Variants in ZNF232 observed in about 807,000 individuals in gnomAD.
The protein encoded by ZNF232 is zinc finger and SCAN domain-containing protein 11.
Under a neutral mutation model 25.2 loss-of-function variants are expected in ZNF232, and 25 were observed. That is an observed-to-expected ratio of 0.99 (90% CI 0.72 to 1.39). The LOEUF (loss-of-function observed/expected upper bound fraction) is 1.39. ZNF232 is among the 40% of genes most tolerant of loss of function. The pLI, the probability that ZNF232 is intolerant of heterozygous loss-of-function variation, is 0.00. For missense variants in ZNF232, 519 were observed against 520.9 expected (o/e 1.00, Z 0.04); for synonymous variants, 193 against 182.9 (o/e 1.06, Z -0.45).
intron 1 of ZNF232, chr17:5,118,066 C>T (rs896407067): frequency 1.0e-4 from 14 of 139,968 alleles, no homozygotes; most frequent in African/African-American, 3.2e-4. Flanking sequence ...GGGACTCCGT[C>T]TCAAAAAAAA....
At chr17:5,111,841 C>T in exon 1 of ZNF232, 2 of 1,613,762 alleles carry the variant, frequency 1.2e-6, no homozygotes, top group Non-Finnish European at 1.7e-6. Context: ...TGCCGCGAAT[C>T]GCGCCACTTA....
At chr17:5,111,872 G>C (rs776036141), upstream of ZNF232, 1 of 1,610,908 alleles carries the variant, frequency 6.2e-7, no homozygotes, top group African/African-American at 1.3e-5. Flanking sequence ...CCCAGGGGCA[G>C]GTTTGCGCCT....
intron 2 of ZNF232, 61 bp downstream of exon 2, chr17:5,109,333 C>T: frequency 1.2e-6 from 2 of 1,601,496 alleles, no homozygotes; most frequent in Non-Finnish European, 1.7e-6. Flanking sequence ...ACAGCTGCCC[C>T]TCGGTCCAGC....
At chr17:5,111,717 C>A in intron 1 of ZNF232, 83 bp downstream of exon 1, 1 of 1,607,398 alleles carries the variant, frequency 6.2e-7, no homozygotes, top group South Asian at 1.1e-5. Context: ...CAGGCCTGCT[C>A]ACTGCAGAGC....
Position 5,117,126 on chromosome 17 carries a change from A to G in ZNF232, c.-529-4775T>C, listed in dbSNP as rs548844668. Reference sequence around the variant, plus strand: ...TGGTTGCAACTTTATTAATGATTCTAATTAGTTTCTCTTCTACAATTATAA... The same window carrying G: ...TGGTTGCAACTTTATTAATGATTCTGATTAGTTTCTCTTCTACAATTATAA... On this transcript the variant is annotated intron_variant, in intron 1 of 4. Transcript: ENST00000250076. Among the ~76,000 whole-genome samples the G allele has an allele frequency of 3.9e-5, 6 of 152,288 alleles. No homozygotes were observed. In the South Asian group the frequency reaches 1.2e-3, roughly 32 times the overall value.
chr17:5,109,853 A>G, exon 2 of ZNF232: 1 of 1,607,364 alleles, frequency 6.2e-7, no homozygotes. Flanking sequence ...ACCAGCTGGA[A>G]TCTTGCAAGG....
upstream of ZNF232, chr17:5,116,732 T>C (rs1302707285): frequency 1.3e-5 from 2 of 152,274 alleles, no homozygotes; most frequent in Non-Finnish European, 1.5e-5. Context: ...GTTTCTTCAC[T>C]TACTAGTTGT....
In ZNF232 at chr17:5,110,006, C is replaced by T. The variant is rs1055781072; in HGVS notation, c.24-138G>A. Reference sequence around the variant, plus strand: ...CGGGGTTCTAGCGATTCTCCTACCTCAGCCTCCCAAGTAGCTGGGATTACA... The same window carrying T: ...CGGGGTTCTAGCGATTCTCCTACCTTAGCCTCCCAAGTAGCTGGGATTACA... On this transcript the variant is annotated intron_variant, in intron 1 of 3. Transcript: ENST00000575898. 2.4e-5 allele frequency: 19 copies of T among 804,696 alleles called. No individual in the cohort carries two copies. The African/African-American group carries it at 3.0e-4, about 13-fold the overall frequency. 49.8% of individuals were successfully genotyped at this position (804,696 alleles called of 1,614,324 possible).
At chr17:5,111,342 A>G (rs748592101) in intron 1 of ZNF232, 1 of 184,114 alleles carries the variant, frequency 5.4e-6, no homozygotes. Context: ...CACACAGGGA[A>G]GGAGGTGGAA....
chr17:5,109,017 C>T (rs2072329484), exon 3 of ZNF232: 1 of 1,614,118 alleles, frequency 6.2e-7, no homozygotes, highest in South Asian at 1.1e-5. Context: ...TCTCCCATGG[C>T]TCTTCCTGTG....
intron 3 of ZNF232, among the ~76,000 whole-genome samples, chr17:5,107,266 T>C (rs1408193151): frequency 6.6e-6 from 1 of 151,142 alleles, no homozygotes; most frequent in East Asian, 2.0e-4. Context: ...CGGGCGCCTG[T>C]AGTCCCAGCT....
upstream of ZNF232, among the ~76,000 whole-genome samples, chr17:5,115,565 C>CACACACACACACACACACACAT (rs2072513975): frequency 6.7e-6 from 1 of 148,954 alleles, no homozygotes; most frequent in Non-Finnish European, 1.5e-5. Flanking sequence ...AACACACACA[C>CACACACACACACACACACACAT]ACACACACAC....
exon 4 of ZNF232, chr17:5,105,907 T>C (rs1489427578): frequency 1.1e-5 from 17 of 1,614,198 alleles, no homozygotes; most frequent in Non-Finnish European, 1.4e-5. Context: ...CCACATTCTT[T>C]ACATATAAAA....
chr17:5,119,841 C>T (rs192883887), intron 1 of ZNF232, among the ~76,000 whole-genome samples: 31 of 152,254 alleles, frequency 2.0e-4, no homozygotes, highest in Non-Finnish European at 4.4e-4. Flanking sequence ...CCTTTTGACC[C>T]GTGAAGAAAC....
chr17:5,113,006 A>C (rs916379048), upstream of ZNF232, among the ~76,000 whole-genome samples: 7 of 152,232 alleles, frequency 4.6e-5, no homozygotes, highest in African/African-American at 1.7e-4. Context: ...TCAATTTTGC[A>C]GGATATTGAT....
At position 5,109,459 on chromosome 17, in the gene ZNF232, T is replaced by A; in HGVS notation, c.433A>T (p.Lys145Ter). The A allele has an allele frequency of 6.2e-7, 1 of 1,614,094 alleles. No homozygotes were observed. Among genetic ancestry groups the A allele is most frequent in the Non-Finnish European group, 8.5e-7 (1 of 1,179,996 alleles). The change falls in exon 2 of 4, where the codon AAG (lysine) becomes TAG (stop). Residue 145 changes from lysine (K) to a stop codon, truncating the protein, a stop_gained. Transcript: ENST00000575898. LOFTEE classifies it high-confidence loss of function. ...ACAGTCACAGCCTCCTCTCCACTCT[T>A]AGGGTGATGTCCCCGCACCCAGGAT...
intron 3 of ZNF232, among the ~76,000 whole-genome samples, chr17:5,107,870 G>C (rs2072299776): frequency 6.6e-6 from 1 of 151,706 alleles, no homozygotes; most frequent in Admixed American, 6.6e-5. Flanking sequence ...CATTTTTTCA[G>C]GTTAAATGCT....
intron 1 of ZNF232, among the ~76,000 whole-genome samples, chr17:5,118,000 C>T (rs2072572260): frequency 2.0e-5 from 3 of 149,082 alleles, no homozygotes; most frequent in South Asian, 2.1e-4. Context: ...ACCTGGGAGG[C>T]GGAGATTGAA....
At chr17:5,115,703 C>G (rs1174976115), upstream of ZNF232, among the ~76,000 whole-genome samples, 1 of 152,184 alleles carries the variant, frequency 6.6e-6, no homozygotes, top group Non-Finnish European at 1.5e-5. Flanking sequence ...TTTAGAGTGT[C>G]AGAAGGCCCC....
Sources: allele counts gnomAD v4.1 joint callset (sites outside exome capture counted in the v4.1 genomes callset), GRCh38; gene constraint gnomAD v4.1.1; transcripts MANE v1.5; gene names NCBI Gene and HGNC (gene_info 2026-07-23, HGNC 2026-07-21).